The following LNP1 variants were observed in gnomAD, a reference collection of about 807,000 sequenced individuals.
LNP1 encodes leukemia NUP98 fusion partner 1.
A neutral mutation model predicts 14.5 loss-of-function variants in LNP1; 12 were observed. The observed-to-expected ratio is 0.83, with a 90% CI of 0.53 to 1.34. The LOEUF is 1.34. Among genes scored for constraint, LNP1 ranks in the 40% most tolerant of loss-of-function variants. The probability of loss-of-function intolerance (pLI) is 0.00; values close to 1 mark genes in which losing one functional copy is unlikely to be tolerated. For synonymous variants in LNP1, 75 were observed against 71.4 expected (o/e 1.05, Z -0.26); for missense variants, 198 against 210.9 (o/e 0.94, Z 0.38).
intron 2 of LNP1, among the ~76,000 whole-genome samples, chr3:100,445,123 T>C (rs1165242222): frequency 6.6e-6 from 1 of 151,984 alleles, no homozygotes; most frequent in Admixed American, 6.6e-5. Context: ...AACACAAAAA[T>C]GAGGCAGGCA....
intron 3 of LNP1, among the ~76,000 whole-genome samples, chr3:100,452,553 G>T: frequency 6.6e-6 from 1 of 151,804 alleles, no homozygotes. Context: ...ATAAATAATT[G>T]TAACTCATTC....
At chr3:100,447,828 C>T (rs532943089) in intron 2 of LNP1, among the ~76,000 whole-genome samples, 9 of 152,108 alleles carry the variant, frequency 5.9e-5, no homozygotes, top group East Asian at 3.9e-4. Flanking sequence ...TTTTTTACAT[C>T]GCTCTTGTTT....
At chr3:100,455,016 A>T (rs921318169) in intron 3 of LNP1, among the ~76,000 whole-genome samples, 4 of 152,210 alleles carry the variant, frequency 2.6e-5, no homozygotes, top group African/African-American at 9.7e-5. Flanking sequence ...CATTGTTTTG[A>T]TAATTCCTTT....
At chr3:100,428,132 G>A (rs73150361) in intron 1 of LNP1, among the ~76,000 whole-genome samples, 7,300 of 152,252 alleles carry the variant, frequency 0.048, 241 homozygotes, top group South Asian at 0.086. Flanking sequence ...TGATTTTGCC[G>A]CTTAGTATTA....
chr3:100,441,972 T>A (rs532530014), intron 2 of LNP1, among the ~76,000 whole-genome samples: 1 of 152,182 alleles, frequency 6.6e-6, no homozygotes, highest in Non-Finnish European at 1.5e-5. Flanking sequence ...GCCCTAGCTT[T>A]ATATTTTTAT....
chr3:100,445,042 G>A (rs1707375599), intron 2 of LNP1, among the ~76,000 whole-genome samples: 1 of 152,152 alleles, frequency 6.6e-6, no homozygotes, highest in Non-Finnish European at 1.5e-5. Context: ...GGAGGCTGAG[G>A]TGGGCAGATC....
chr3:100,417,623 C>T (rs542886688), intron 1 of LNP1, among the ~76,000 whole-genome samples: 2 of 152,188 alleles, frequency 1.3e-5, no homozygotes, highest in Non-Finnish European at 2.9e-5. Flanking sequence ...AAATGATCCA[C>T]CCACCTTGGC....
chr3:100,403,664 C>A (rs972436291), intron 1 of LNP1, among the ~76,000 whole-genome samples: 1 of 152,170 alleles, frequency 6.6e-6, no homozygotes, highest in Non-Finnish European at 1.5e-5. Context: ...GTCTTGAACT[C>A]CTGACCTCAG....
intron 1 of LNP1, among the ~76,000 whole-genome samples, chr3:100,428,051 A>G (rs1407759559): frequency 1.3e-5 from 2 of 152,222 alleles, no homozygotes; most frequent in Non-Finnish European, 1.5e-5. Context: ...GACTTCTCCA[A>G]GTTCTCTTGA....
chr3:100,452,317 C>A (rs1291791218), intron 3 of LNP1, among the ~76,000 whole-genome samples: 1 of 151,684 alleles, frequency 6.6e-6, no homozygotes, highest in Non-Finnish European at 1.5e-5. Flanking sequence ...TTCCTCCCAC[C>A]TCAGCCTCTT....
intron 1 of LNP1, among the ~76,000 whole-genome samples, chr3:100,411,884 G>A (rs369165030): frequency 6.1e-4 from 92 of 152,034 alleles, no homozygotes; most frequent in African/African-American, 2.2e-3. Flanking sequence ...GGGGGAACAC[G>A]GGGGACAAAA....
rs112498128 is a variant in LNP1, at chr3:100,455,293, C to T, written c.388-484C>T. On this transcript the variant is annotated intron_variant, in intron 3 of 3. Transcript: ENST00000383693. ...AATGTGGAATCCTGGGGACACATGT[C>T]GGGGGGTGTTAATCTGGTTGGGCGT... Among the ~76,000 whole-genome samples, 822 of 152,230 alleles carry T rather than the reference C, an allele frequency of 5.4e-3. 10 individuals are homozygous for T. The highest frequency in any genetic ancestry group is 0.019 in the African/African-American group (787 of 41,532).
intron 3 of LNP1, among the ~76,000 whole-genome samples, chr3:100,455,152 T>TTTATTGA (rs1707498608): frequency 6.6e-6 from 1 of 152,156 alleles, no homozygotes; most frequent in South Asian, 2.1e-4. Context: ...TCCTTTTAGG[T>TTTATTGA]TTATTGATGA....
intron 2 of LNP1, among the ~76,000 whole-genome samples, chr3:100,430,721 G>T (rs1429095532): frequency 6.6e-6 from 1 of 152,018 alleles, no homozygotes; most frequent in East Asian, 1.9e-4. Flanking sequence ...TTTTGTTTGG[G>T]GTAATATTAT....
At chr3:100,417,240 T>A (rs971887445) in intron 1 of LNP1, among the ~76,000 whole-genome samples, 2 of 152,234 alleles carry the variant, frequency 1.3e-5, no homozygotes, top group South Asian at 4.1e-4. Context: ...TCTGCCCAGG[T>A]TCCCTCAAGG....
intron 1 of LNP1, among the ~76,000 whole-genome samples, chr3:100,403,521 A>G (rs998873133): frequency 7.3e-5 from 11 of 151,708 alleles, no homozygotes; most frequent in African/African-American, 2.4e-4. Flanking sequence ...CTGGAGTGCA[A>G]TGGCGCCATC....
rs900260118 is a variant in LNP1 at position 100,432,583 on chromosome 3, T to C, written c.156+2698T>C. On this transcript the variant is annotated intron_variant, in intron 2 of 3. Transcript: ENST00000383693. ...TTTTCCCCAGACTCATTAGAACCTA[T>C]GTTTGCTGAATTAAAGTGAATAAAG... Among the ~76,000 whole-genome samples, 68 of 152,176 alleles carry C rather than the reference T, an allele frequency of 4.5e-4. 2 individuals are homozygous for C. Among genetic ancestry groups the C allele is most frequent in the Admixed American group, 1.3e-4 (2 of 15,266 alleles).
In LNP1 at chr3:100,455,790, G is replaced by A. The variant is rs188444196; in HGVS notation, c.401G>A (p.Arg134Lys). 7.4e-3 allele frequency: 11,880 copies of A among 1,613,930 alleles called. 70 individuals are homozygous for A. Among genetic ancestry groups the A allele is most frequent in the Non-Finnish European group, 8.4e-3 (9,912 of 1,179,882 alleles). ...KRSASLGPES[R>K]KERNERECLR... ...TTTCCCTTTCAGGGACCTGAAAGCA[G>A]AAAGGAGAGAAATGAAAGAGAATGC... Residue 134 changes from arginine to lysine, a missense_variant, in exon 4 of 4, where the codon AGA becomes AAA. Arg to Lys is a conservative substitution (Grantham distance 26, BLOSUM62 2). Coordinates refer to ENST00000383693, the MANE Select transcript of LNP1 (RefSeq NM_001085451.2).
intron 1 of LNP1, among the ~76,000 whole-genome samples, chr3:100,410,779 A>T (rs544703936): frequency 2.6e-5 from 4 of 152,196 alleles, no homozygotes; most frequent in Non-Finnish European, 5.9e-5. Flanking sequence ...GGGACCATAG[A>T]GCTATTTGGC....
Sources: allele counts gnomAD v4.1 joint callset (sites outside exome capture counted in the v4.1 genomes callset), GRCh38; gene constraint gnomAD v4.1.1; transcripts MANE v1.5; gene names NCBI Gene and HGNC (gene_info 2026-07-23, HGNC 2026-07-21).